The following OPCML variants were observed in gnomAD, a reference collection of about 807,000 sequenced individuals.
The protein encoded by OPCML is opioid-binding protein/cell adhesion molecule.
OPCML carries 13 observed loss-of-function variants against 37.8 expected under a neutral mutation model. The ratio of observed to expected loss-of-function variants is 0.34; its 90% CI spans 0.22 to 0.55. OPCML has a LOEUF of 0.55. Ranked by LOEUF, OPCML falls within the 20% of genes least tolerant of loss-of-function variation. OPCML has a pLI of 0.91. For missense variants in OPCML, 341 were observed against 435.6 expected, an observed-to-expected ratio of 0.78 and a Z score of 1.93; for synonymous variants, 176 against 168.8, an observed-to-expected ratio of 1.04 and a Z score of -0.33.
intron 2 of OPCML, among the ~76,000 whole-genome samples, chr11:132,689,166 G>C (rs2135882857): frequency 6.6e-6 from 1 of 152,170 alleles, no homozygotes; most frequent in Admixed American, 6.5e-5. Context: ...TTCTAGGCTT[G>C]TTTTCAGAAT....
chr11:133,366,926 G>A (rs11223449), intron 1 of OPCML, among the ~76,000 whole-genome samples: 13,496 of 152,182 alleles, frequency 0.089, 676 homozygotes, highest in Admixed American at 0.15. Context: ...GACAACCCGA[G>A]CGTTCCCCCT....
chr11:132,879,505 C>T (rs1943145680), intron 2 of OPCML, among the ~76,000 whole-genome samples: 1 of 152,182 alleles, frequency 6.6e-6, no homozygotes, highest in Non-Finnish European at 1.5e-5. Flanking sequence ...TTATTAGTAG[C>T]AGCCCATAAA....
At chr11:133,215,993 G>A (rs935501587) in intron 1 of OPCML, among the ~76,000 whole-genome samples, 1 of 152,174 alleles carries the variant, frequency 6.6e-6, no homozygotes, top group Non-Finnish European at 1.5e-5. Context: ...AGGCCACCAG[G>A]AGGGGGTGGG....
chr11:132,557,454 C>T (rs527920384), intron 3 of OPCML, among the ~76,000 whole-genome samples: 13 of 152,332 alleles, frequency 8.5e-5, no homozygotes, highest in African/African-American at 1.9e-4. Flanking sequence ...GTGCCCAACC[C>T]CCCTGCTCTG....
intron 3 of OPCML, among the ~76,000 whole-genome samples, chr11:132,534,581 C>T (rs1047005018): frequency 6.6e-6 from 1 of 152,148 alleles, no homozygotes; most frequent in Non-Finnish European, 1.5e-5. Context: ...TGATTTTGCA[C>T]ATATCAGCCC....
chr11:132,892,329 G>A (rs1158979149), intron 2 of OPCML, among the ~76,000 whole-genome samples: 1 of 152,204 alleles, frequency 6.6e-6, no homozygotes, highest in East Asian at 1.9e-4. Flanking sequence ...AAGAGAGTGT[G>A]GGGTGGTTGA....
At chr11:133,035,211 GCCACCCTAT>G (rs1374264530) in intron 1 of OPCML, among the ~76,000 whole-genome samples, 5 of 152,330 alleles carry the variant, frequency 3.3e-5, no homozygotes, top group Non-Finnish European at 5.9e-5. Flanking sequence ...CGGGCGGCTT[GCCACCCTAT>G]CTGTCATGTC....
chr11:133,355,716 C>T (rs1354024478), intron 1 of OPCML, among the ~76,000 whole-genome samples: 1 of 152,122 alleles, frequency 6.6e-6, no homozygotes, highest in Admixed American at 6.5e-5. Flanking sequence ...TCCAGTGGTT[C>T]AATCTGCCAT....
chr11:132,863,464 C>G (rs975710102), intron 2 of OPCML, among the ~76,000 whole-genome samples: 3 of 152,120 alleles, frequency 2.0e-5, no homozygotes, highest in Admixed American at 6.5e-5. Context: ...AAATGAAGGC[C>G]TCAGAAGCAG....
intron 2 of OPCML, among the ~76,000 whole-genome samples, chr11:132,841,887 A>T (rs1941306357): frequency 6.7e-6 from 1 of 148,872 alleles, no homozygotes; most frequent in East Asian, 1.9e-4. Flanking sequence ...AAAAAAAAAA[A>T]AAAGAATAAC....
intron 2 of OPCML, among the ~76,000 whole-genome samples, chr11:132,661,008 AG>A (rs1282724236): frequency 6.6e-6 from 1 of 152,144 alleles, no homozygotes; most frequent in African/African-American, 2.4e-5. Flanking sequence ...CTTCAGGTTG[AG>A]GGTGCATAGA....
chr11:133,376,084 T>A (rs553037712), intron 1 of OPCML, among the ~76,000 whole-genome samples: 36 of 142,266 alleles, frequency 2.5e-4, no homozygotes, highest in African/African-American at 1.0e-3. Context: ...GGATTTAAGC[T>A]TGGCTATTAA....
chr11:133,359,995 T>C (rs1023409031), intron 1 of OPCML: 1 of 152,140 alleles, frequency 6.6e-6, no homozygotes, highest in African/African-American at 2.4e-5. Context: ...TATTGAAATG[T>C]GAAGATAAAC....
rs374964197 is a variant in OPCML at position 132,456,748 on chromosome 11, G to C, written c.506-19389C>G. 7.9e-5 allele frequency among the ~76,000 whole-genome samples: 12 copies of C among 152,344 alleles called. No individual in the cohort carries two copies. The East Asian group carries it at 1.5e-3, about 20-fold the overall frequency. ...TGTCAGAGGAAGTTATCAAATAAAT[G>C]TGTGTTATTATTGTCTATTGAGTAT... On this transcript the variant is annotated intron_variant, in intron 4 of 7. Transcript: ENST00000524381.
intron 2 of OPCML, among the ~76,000 whole-genome samples, chr11:132,689,597 T>C (rs1172510129): frequency 6.6e-6 from 1 of 152,222 alleles, no homozygotes; most frequent in Non-Finnish European, 1.5e-5. Flanking sequence ...TGTCATAAAT[T>C]GATATTTAAC....
chr11:132,918,317 C>T (rs1944675021), intron 2 of OPCML, among the ~76,000 whole-genome samples: 1 of 152,132 alleles, frequency 6.6e-6, no homozygotes, highest in Admixed American at 6.5e-5. Context: ...CTTGGTTGAC[C>T]ACACCCAGAT....
At chr11:132,456,103 C>T (rs2096081993) in intron 4 of OPCML, among the ~76,000 whole-genome samples, 1 of 152,094 alleles carries the variant, frequency 6.6e-6, no homozygotes, top group Non-Finnish European at 1.5e-5. Context: ...TGTCTCTCTC[C>T]CACCGTCTCT....
intron 2 of OPCML, among the ~76,000 whole-genome samples, chr11:132,783,865 A>T (rs1947113724): frequency 6.6e-6 from 1 of 152,212 alleles, no homozygotes; most frequent in Admixed American, 6.5e-5. Context: ...TGAAATACCT[A>T]TTTAGCAACT....
intron 1 of OPCML, among the ~76,000 whole-genome samples, chr11:133,339,890 C>T (rs1943824553): frequency 6.6e-6 from 1 of 152,184 alleles, no homozygotes; most frequent in Non-Finnish European, 1.5e-5. Context: ...CAGCATAGTA[C>T]ATGGCTCCTG....
Sources: allele counts gnomAD v4.1 joint callset (sites outside exome capture counted in the v4.1 genomes callset), GRCh38; gene constraint gnomAD v4.1.1; transcripts MANE v1.5; gene names NCBI Gene and HGNC (gene_info 2026-07-23, HGNC 2026-07-21).